PBX3: variants seen among roughly 807,000 people sequenced by gnomAD.
PBX3 encodes pre-B-cell leukemia transcription factor 3.
PBX3 carries 14 observed loss-of-function variants against 48.5 expected under a neutral mutation model. That is an observed-to-expected ratio of 0.29 (90% CI 0.19 to 0.45). The LOEUF is 0.45. Among genes scored for constraint, PBX3 ranks in the 20% least tolerant of loss-of-function variants. The pLI is 1.00. For missense variants in PBX3, 386 were observed against 546.7 expected (o/e 0.71, Z 2.93); for synonymous variants, 210 against 200.3 (o/e 1.05, Z -0.41).
chr9:125,760,302 GATT>G (rs1392488842), intron 2 of PBX3, among the ~76,000 whole-genome samples: 3 of 152,010 alleles, frequency 2.0e-5, no homozygotes, highest in African/African-American at 7.3e-5. Flanking sequence ...CTTCATATGT[GATT>G]ATTTGCTTTT....
intron 2 of PBX3, among the ~76,000 whole-genome samples, chr9:125,844,024 T>C (rs1157553483): frequency 6.6e-6 from 1 of 151,830 alleles, no homozygotes; most frequent in Non-Finnish European, 1.5e-5. Context: ...TTTGAGAAAA[T>C]GTAAAAAATA....
At chr9:125,757,700 T>A (rs1182625699) in intron 2 of PBX3, among the ~76,000 whole-genome samples, 1 of 152,202 alleles carries the variant, frequency 6.6e-6, no homozygotes, top group Non-Finnish European at 1.5e-5. Context: ...CAAATTACAC[T>A]AACATGAAAA....
intron 3 of PBX3, among the ~76,000 whole-genome samples, chr9:125,916,241 T>G (rs1305082493): frequency 5.3e-5 from 8 of 152,200 alleles, no homozygotes; most frequent in Non-Finnish European, 1.2e-4. Context: ...TCTTCAAAGC[T>G]CTGTATAATT....
At chr9:125,783,869 C>T (rs748271970) in intron 2 of PBX3, among the ~76,000 whole-genome samples, 6 of 151,938 alleles carry the variant, frequency 3.9e-5, no homozygotes, top group Admixed American at 6.6e-5. Flanking sequence ...GGCATGGTGG[C>T]GCACGCCTAT....
Position 125,967,010 on chromosome 9 carries a change from A to T in PBX3, c.*1087A>T, listed in dbSNP as rs2118844725. 6.6e-6 allele frequency: 1 copy of T among 152,618 alleles called. No homozygotes were observed. The highest frequency in any genetic ancestry group is 1.5e-5 in the Non-Finnish European group (1 of 68,008). The allele number at this position is 152,618 out of a possible 1,614,324, so 9.5% of individuals were successfully genotyped here. ...CCGAGTGTGGAAACATTGGGTCTTA[A>T]TTCAACACAGGATCGGTAAAACTGT... is the stretch of plus-strand genomic sequence containing the variant. On this transcript the variant is annotated 3_prime_UTR_variant, in exon 9 of 9. Coordinates refer to ENST00000373489, the MANE Select transcript of PBX3 (RefSeq NM_006195.6).
intron 2 of PBX3, among the ~76,000 whole-genome samples, chr9:125,899,776 G>A (rs910382877): frequency 4.0e-5 from 6 of 151,676 alleles, no homozygotes; most frequent in Non-Finnish European, 8.9e-5. Context: ...TACATCTTAA[G>A]TGACAAAGGT....
At position 125,936,311 on chromosome 9, in the gene PBX3, A is replaced by G. The variant is rs568372008; in HGVS notation, c.843+704A>G. On this transcript the variant is annotated intron_variant, in intron 5 of 8. Coordinates refer to ENST00000373489, the MANE Select transcript of PBX3 (RefSeq NM_006195.6). ...AAGTGTACCTCTTTAGAACATAAATATATCGTATTAGCATTACCTCTAAAA... is the reference window on the plus strand; with the variant it reads ...AAGTGTACCTCTTTAGAACATAAATGTATCGTATTAGCATTACCTCTAAAA... 3.3e-5 allele frequency among the ~76,000 whole-genome samples: 5 copies of G among 152,356 alleles called. No homozygotes were observed. The South Asian group carries it at 8.3e-4, about 25-fold the overall frequency.
intron 3 of PBX3, among the ~76,000 whole-genome samples, chr9:125,925,074 G>A (rs932923571): frequency 6.6e-6 from 1 of 152,086 alleles, no homozygotes; most frequent in South Asian, 2.1e-4. Flanking sequence ...TTTGACACAC[G>A]CAATATTAAA....
intron 2 of PBX3, among the ~76,000 whole-genome samples, chr9:125,882,070 A>AAAATAT (rs1189626908): frequency 1.0e-3 from 152 of 151,964 alleles, no homozygotes; most frequent in Middle Eastern, 3.4e-3. Context: ...AATAAAAATA[A>AAAATAT]AAATAAAAAA....
At position 125,783,769 on chromosome 9, in the gene PBX3, C is replaced by T. The variant is rs145550043; in HGVS notation, c.274+35146C>T. Among the ~76,000 whole-genome samples the T allele has an allele frequency of 5.0e-3, 753 of 151,980 alleles. 9 individuals are homozygous for T. The highest frequency in any genetic ancestry group is 0.017 in the African/African-American group (712 of 41,462). On this transcript the variant is annotated intron_variant, in intron 2 of 8. Coordinates refer to ENST00000373489, the MANE Select transcript of PBX3 (RefSeq NM_006195.6). ...ATCCCAGCACTTTGAGAGGCTGAGG[C>T]GGGCAGATCACCTGAAGTCAGGAGT... is the stretch of plus-strand genomic sequence containing the variant.
At chr9:125,793,368 TA>T (rs1564658044) in intron 2 of PBX3, among the ~76,000 whole-genome samples, 1 of 91,860 alleles carries the variant, frequency 1.1e-5, no homozygotes, top group African/African-American at 4.6e-5. Context: ...AAAAAAAAAA[TA>T]TATATATATA....
Position 125,878,372 on chromosome 9 carries a change from C to T in PBX3, c.275-37314C>T, listed in dbSNP as rs913667486. Among the ~76,000 whole-genome samples the T allele has an allele frequency of 2.0e-5, 3 of 152,298 alleles. No individual in the cohort carries two copies. In the East Asian group the frequency reaches 5.8e-4, roughly 29 times the overall value. On this transcript the variant is annotated intron_variant, in intron 2 of 8. Transcript: ENST00000373489. ...TAAGAAAGATGACATTTGGTGCTCA[C>T]ATTTAACTTGCATTGGATGTCCATA...
chr9:125,960,731 T>A lies in PBX3; in HGVS notation c.891T>A (p.Ile297=). The A allele has an allele frequency of 1.9e-6, 3 of 1,614,184 alleles. No homozygotes were observed. Among genetic ancestry groups the A allele is most frequent in the Non-Finnish European group, 2.5e-6 (3 of 1,180,024 alleles). The change falls in exon 6 of 9, where the codon ATT becomes ATA. Residue 297 remains isoleucine (I), a synonymous_variant. Coordinates refer to ENST00000373489, the MANE Select transcript of PBX3 (RefSeq NM_006195.6). ...GNKRIRYKKN[I]GKFQEEANLY... ...AACGAATCAGGTACAAGAAGAACAT[T>A]GGCAAGTTTCAGGAAGAAGCCAACC...
At chr9:125,918,441 ATC>A (rs1841382889) in intron 3 of PBX3, among the ~76,000 whole-genome samples, 1 of 151,940 alleles carries the variant, frequency 6.6e-6, no homozygotes, top group African/African-American at 2.4e-5. Context: ...TCATACATTT[ATC>A]TCTTTTTGTT....
At chr9:125,781,867 T>C (rs1484868191) in intron 2 of PBX3, among the ~76,000 whole-genome samples, 1 of 152,182 alleles carries the variant, frequency 6.6e-6, no homozygotes, top group African/African-American at 2.4e-5. Flanking sequence ...GCTTTTGCTA[T>C]ATAAGTTTTG....
At chr9:125,817,273 C>T (rs180750229) in intron 2 of PBX3, among the ~76,000 whole-genome samples, 109 of 152,298 alleles carry the variant, frequency 7.2e-4, no homozygotes, top group Middle Eastern at 3.4e-3. Context: ...TTGTTGTTTA[C>T]TTCCAATACT....
At chr9:125,827,817 G>A (rs1838850647) in intron 2 of PBX3, among the ~76,000 whole-genome samples, 1 of 152,052 alleles carries the variant, frequency 6.6e-6, no homozygotes, top group African/African-American at 2.4e-5. Context: ...ATTCCTCTGA[G>A]GTATATAACT....
chr9:125,913,825 A>T (rs1841261727), intron 2 of PBX3, among the ~76,000 whole-genome samples: 2 of 152,196 alleles, frequency 1.3e-5, no homozygotes, highest in South Asian at 2.1e-4. Flanking sequence ...CAACAAACAC[A>T]CAAAACTGTG....
At chr9:125,793,366 A>AATATATAT (rs1554855765) in intron 2 of PBX3, among the ~76,000 whole-genome samples, 1,572 of 101,824 alleles carry the variant, frequency 0.015, 34 homozygotes, top group Admixed American at 0.037. Context: ...GGAAAAAAAA[A>AATATATAT]ATATATATAT....
Sources: allele counts gnomAD v4.1 joint callset (sites outside exome capture counted in the v4.1 genomes callset), GRCh38; gene constraint gnomAD v4.1.1; transcripts MANE v1.5; gene names NCBI Gene and HGNC (gene_info 2026-07-23, HGNC 2026-07-21).